Variants in ITPR2 observed in about 807,000 individuals in gnomAD.
The protein encoded by ITPR2 is inositol 1,4,5-trisphosphate receptor type 2.
ITPR2 carries 207 observed loss-of-function variants against 317.1 expected under a neutral mutation model. That is an observed-to-expected ratio of 0.65 (90% CI 0.58 to 0.73). The LOEUF (loss-of-function observed/expected upper bound fraction) is 0.73. ITPR2 is among the 30% of genes least tolerant of loss of function. The pLI, the probability that ITPR2 is intolerant of heterozygous loss-of-function variation, is 0.00. For synonymous variants in ITPR2, 1,156 were observed against 1,149.1 expected, an observed-to-expected ratio of 1.01 and a Z score of -0.12; for missense variants, 2,613 against 3,284.0, an observed-to-expected ratio of 0.80 and a Z score of 4.99.
At chr12:26,771,005 T>C (rs990249884) in intron 2 of ITPR2, among the ~76,000 whole-genome samples, 1 of 152,336 alleles carries the variant, frequency 6.6e-6, no homozygotes, top group East Asian at 1.9e-4. Context: ...TGTGTCTTTA[T>C]GTGGTCTTCT....
intron 1 of ITPR2, among the ~76,000 whole-genome samples, chr12:26,790,618 C>CACACA (rs1555192764): frequency 2.0e-5 from 3 of 150,292 alleles, no homozygotes; most frequent in African/African-American, 7.3e-5. Flanking sequence ...CACACACACA[C>CACACA]TTCTACACAT....
chr12:26,446,199 A>C (rs1465605763), intron 45 of ITPR2, among the ~76,000 whole-genome samples: 1 of 152,126 alleles, frequency 6.6e-6, no homozygotes, highest in Non-Finnish European at 1.5e-5. Flanking sequence ...GACTTGGGAA[A>C]TATAGTAGTA....
chr12:26,784,263 CT>C (rs1346015580), intron 2 of ITPR2, among the ~76,000 whole-genome samples: 1 of 7,854 alleles, frequency 1.3e-4, no homozygotes, highest in African/African-American at 4.3e-4. Context: ...GAATCTCCCT[CT>C]CCCTCTCCCT....
At chr12:26,569,371 T>C (rs1361454588) in intron 34 of ITPR2, among the ~76,000 whole-genome samples, 1 of 151,838 alleles carries the variant, frequency 6.6e-6, no homozygotes, top group Non-Finnish European at 1.5e-5. Context: ...CTGGGTAACA[T>C]GGTAAAAACT....
intron 5 of ITPR2, among the ~76,000 whole-genome samples, chr12:26,720,794 A>C (rs1039084236): frequency 6.6e-6 from 1 of 152,198 alleles, no homozygotes; most frequent in Admixed American, 6.6e-5. Flanking sequence ...TAATTATTTG[A>C]AATAGTTCAT....
chr12:26,391,547 C>CTT (rs776423165), intron 54 of ITPR2, among the ~76,000 whole-genome samples: 3 of 86,634 alleles, frequency 3.5e-5, no homozygotes, highest in South Asian at 4.6e-4. Flanking sequence ...TCTTCTTCTT[C>CTT]TTCTTTTCCT....
At chr12:26,647,042 G>C (rs1053118744) in intron 21 of ITPR2, among the ~76,000 whole-genome samples, 13 of 152,306 alleles carry the variant, frequency 8.5e-5, no homozygotes, top group African/African-American at 2.9e-4. Flanking sequence ...GGATGGGCAG[G>C]AAGACAACAG....
intron 2 of ITPR2, among the ~76,000 whole-genome samples, chr12:26,781,813 G>T (rs66888168): frequency 6.6e-6 from 1 of 151,434 alleles, no homozygotes; most frequent in Non-Finnish European, 1.5e-5. Flanking sequence ...CTGCCAGCAC[G>T]GCCAGAATAT....
At chr12:26,796,039 G>A (rs1950435732) in intron 1 of ITPR2, among the ~76,000 whole-genome samples, 1 of 151,754 alleles carries the variant, frequency 6.6e-6, no homozygotes. Context: ...CTGAAATGTG[G>A]TCTATGTTCC....
intron 37 of ITPR2, among the ~76,000 whole-genome samples, chr12:26,510,862 A>C (rs1291393048): frequency 6.6e-6 from 1 of 152,320 alleles, no homozygotes; most frequent in East Asian, 1.9e-4. Flanking sequence ...AGGAGTGTGC[A>C]TTTGTTTTAA....
At chr12:26,722,733 C>T (rs774596125) in intron 4 of ITPR2, among the ~76,000 whole-genome samples, 178 bp from the exon 5 acceptor site, 1 of 152,022 alleles carries the variant, frequency 6.6e-6, no homozygotes, top group Non-Finnish European at 1.5e-5. Flanking sequence ...TCTTTGGGTT[C>T]TTCCTCCCCT....
chr12:26,651,610 A>C lies in ITPR2; in HGVS notation c.2740+2366T>G, dbSNP rs532986068. ...ATGTTACAATATTCTTCTGCTTCAC[A>C]GTTACTCTTCAGAGAGGAATTTCCA... On this transcript the variant is annotated intron_variant, in intron 21 of 56. Transcript: ENST00000381340. 1.1e-3 allele frequency among the ~76,000 whole-genome samples: 163 copies of C among 152,308 alleles called. 1 individual carries two copies. Among genetic ancestry groups the C allele is most frequent in the African/African-American group, 3.7e-3 (153 of 41,562 alleles).
intron 38 of ITPR2, 44 bp downstream of exon 38, chr12:26,495,108 T>C: frequency 1.0e-6 from 1 of 956,180 alleles, no homozygotes; most frequent in Non-Finnish European, 1.7e-6. Flanking sequence ...CATGAAGATG[T>C]ATCATGAGAA....
chr12:26,436,017 T>G (rs1024900725), intron 48 of ITPR2, among the ~76,000 whole-genome samples: 2 of 152,210 alleles, frequency 1.3e-5, no homozygotes, highest in African/African-American at 4.8e-5. Flanking sequence ...ATAGCTCTAA[T>G]AACAATTGTG....
chr12:26,597,853 G>A (rs1251823882), intron 30 of ITPR2, among the ~76,000 whole-genome samples: 2 of 152,142 alleles, frequency 1.3e-5, no homozygotes, highest in African/African-American at 2.4e-5. Flanking sequence ...CCCAGTGTGA[G>A]ATACATTGGT....
chr12:26,585,338 T>G (rs1320930164), intron 32 of ITPR2, among the ~76,000 whole-genome samples: 1 of 152,212 alleles, frequency 6.6e-6, no homozygotes, highest in Non-Finnish European at 1.5e-5. Flanking sequence ...ACATCCATCA[T>G]ATAGATATAT....
At chr12:26,555,149 C>T (rs531098467) in intron 36 of ITPR2, among the ~76,000 whole-genome samples, 9 of 152,316 alleles carry the variant, frequency 5.9e-5, no homozygotes, top group African/African-American at 1.4e-4. Flanking sequence ...TCAACATGAT[C>T]CCTGTAGTCA....
intron 23 of ITPR2, among the ~76,000 whole-genome samples, chr12:26,626,193 G>A (rs1261194982): frequency 6.6e-6 from 1 of 152,098 alleles, no homozygotes. Context: ...TCAAACTCCT[G>A]GGCTCAACCA....
intron 40 of ITPR2, 23 bp downstream of exon 40, chr12:26,487,045 C>G (rs1221463095): frequency 6.3e-7 from 1 of 1,596,510 alleles, no homozygotes; most frequent in African/African-American, 1.3e-5. Flanking sequence ...TCTGTTCTCC[C>G]AAATACTCAA....
Sources: allele counts gnomAD v4.1 joint callset (sites outside exome capture counted in the v4.1 genomes callset), GRCh38; gene constraint gnomAD v4.1.1; transcripts MANE v1.5; gene names NCBI Gene and HGNC (gene_info 2026-07-23, HGNC 2026-07-21).